Variants in GBE1 observed in about 807,000 individuals in gnomAD.
GBE1 encodes 1,4-alpha-glucan branching enzyme 1, also known as 1,4-alpha-glucan-branching enzyme.
In GBE1, 70 loss-of-function variants were observed where a neutral mutation model predicts 88.8. That is an observed-to-expected ratio of 0.79 (90% CI 0.65 to 0.96). The LOEUF (loss-of-function observed/expected upper bound fraction) is 0.96. Among genes scored for constraint, GBE1 ranks in the 40% least tolerant of loss-of-function variants. The probability of loss-of-function intolerance (pLI) is 0.00; values close to 1 mark genes in which losing one functional copy is unlikely to be tolerated. For missense variants in GBE1, 872 were observed against 871.0 expected (o/e 1.00, Z -0.01); for synonymous variants, 284 against 300.1 (o/e 0.95, Z 0.56).
intron 7 of GBE1, among the ~76,000 whole-genome samples, chr3:81,603,017 C>A (rs541071756): frequency 2.6e-4 from 39 of 152,194 alleles, no homozygotes; most frequent in African/African-American, 9.4e-4. Flanking sequence ...GCATTCCTTT[C>A]CTCCTTACTC....
chr3:81,684,302 G>A (rs1361490218), intron 2 of GBE1, among the ~76,000 whole-genome samples: 2 of 152,188 alleles, frequency 1.3e-5, no homozygotes, highest in East Asian at 1.9e-4. Flanking sequence ...TAGAAATGTG[G>A]ATAATACCTG....
chr3:81,500,824 A>G (rs1036656204), intron 14 of GBE1, among the ~76,000 whole-genome samples: 1 of 152,198 alleles, frequency 6.6e-6, no homozygotes, highest in Non-Finnish European at 1.5e-5. Flanking sequence ...TTTTACTATT[A>G]AAATGCAGAT....
intron 2 of GBE1, among the ~76,000 whole-genome samples, chr3:81,674,549 T>C (rs1705228691): frequency 6.6e-6 from 1 of 151,952 alleles, no homozygotes. Flanking sequence ...AAATTGATTT[T>C]AAGTAAAATT....
chr3:81,636,131 C>T (rs1704588774), intron 7 of GBE1, among the ~76,000 whole-genome samples: 2 of 152,172 alleles, frequency 1.3e-5, no homozygotes, highest in African/African-American at 4.8e-5. Context: ...TATATTTCTA[C>T]CATTCAAACT....
intron 7 of GBE1, among the ~76,000 whole-genome samples, chr3:81,632,712 CA>C (rs1704532347): frequency 6.6e-6 from 1 of 152,022 alleles, no homozygotes; most frequent in Non-Finnish European, 1.5e-5. Flanking sequence ...GGTATATACC[CA>C]AAGGATTATA....
At chr3:81,580,723 G>C (rs907675432) in intron 11 of GBE1, among the ~76,000 whole-genome samples, 1 of 152,068 alleles carries the variant, frequency 6.6e-6, no homozygotes, top group Admixed American at 6.6e-5. Context: ...AGGGGTCAGG[G>C]AGGTCAATTA....
intron 7 of GBE1, among the ~76,000 whole-genome samples, chr3:81,634,286 A>G (rs1168782782): frequency 6.6e-6 from 1 of 152,266 alleles, no homozygotes; most frequent in Non-Finnish European, 1.5e-5. Flanking sequence ...CCTATGGCAC[A>G]TAAATAATAT....
At chr3:81,557,222 C>A (rs995713942) in intron 12 of GBE1, among the ~76,000 whole-genome samples, 1 of 151,974 alleles carries the variant, frequency 6.6e-6, no homozygotes, top group African/African-American at 2.4e-5. Flanking sequence ...CGACCTTGCA[C>A]GTTGTTTGTA....
At chr3:81,745,674 A>G (rs941934674) in intron 1 of GBE1, among the ~76,000 whole-genome samples, 15 of 152,138 alleles carry the variant, frequency 9.9e-5, no homozygotes, top group Non-Finnish European at 2.1e-4. Context: ...CTTAGCACAA[A>G]TGACAGGTAA....
At chr3:81,501,599 C>A (rs1702586478) in intron 14 of GBE1, among the ~76,000 whole-genome samples, 1 of 151,096 alleles carries the variant, frequency 6.6e-6, no homozygotes, top group South Asian at 2.1e-4. Context: ...ATTTTAGTCA[C>A]CTGAATTACA....
intron 14 of GBE1, among the ~76,000 whole-genome samples, chr3:81,506,295 T>C (rs1249802813): frequency 6.6e-6 from 1 of 151,852 alleles, no homozygotes; most frequent in African/African-American, 2.4e-5. Flanking sequence ...CAGCCAACAA[T>C]CATACGAAAT....
intron 2 of GBE1, among the ~76,000 whole-genome samples, chr3:81,681,091 T>G (rs1337033785): frequency 2.6e-5 from 4 of 152,196 alleles, no homozygotes; most frequent in South Asian, 2.1e-4. Flanking sequence ...AACTAATGAT[T>G]ACAGCTGGAA....
chr3:81,525,278 A>G (rs1451102460), intron 14 of GBE1, among the ~76,000 whole-genome samples: 1 of 152,116 alleles, frequency 6.6e-6, no homozygotes, highest in South Asian at 2.1e-4. Flanking sequence ...TTCTTCATCT[A>G]TTGAGATAAT....
chr3:81,557,439 G>A (rs922422188), intron 12 of GBE1, among the ~76,000 whole-genome samples: 15 of 151,350 alleles, frequency 9.9e-5, no homozygotes, highest in Non-Finnish European at 2.1e-4. Flanking sequence ...TTAATTACCA[G>A]AATAATGAGG....
At chr3:81,588,877 C>A (rs369460433) in intron 9 of GBE1, among the ~76,000 whole-genome samples, 15 of 152,218 alleles carry the variant, frequency 9.9e-5, no homozygotes, top group African/African-American at 3.6e-4. Flanking sequence ...GTGCAGCAAG[C>A]AGCAGGACCT....
At chr3:81,541,452 C>CG (rs1304954964) in intron 12 of GBE1, among the ~76,000 whole-genome samples, 4 of 150,390 alleles carry the variant, frequency 2.7e-5, no homozygotes, top group African/African-American at 9.8e-5. Context: ...TGCAAGTTGC[C>CG]CCCCCCGCCA....
At chr3:81,698,062 A>ATG (rs907802787) in intron 2 of GBE1, among the ~76,000 whole-genome samples, 58 of 145,824 alleles carry the variant, frequency 4.0e-4, no homozygotes, top group African/African-American at 7.6e-4. Flanking sequence ...ATATATATAT[A>ATG]TGTGTATATA....
At chr3:81,531,202 T>C (rs1268423871) in intron 14 of GBE1, among the ~76,000 whole-genome samples, 4 of 151,934 alleles carry the variant, frequency 2.6e-5, no homozygotes, top group African/African-American at 9.7e-5. Flanking sequence ...GTGCCAGAAC[T>C]AGGTCTCTCC....
rs1703059086 is a variant in GBE1 at position 81,535,230 on chromosome 3, G to A, written c.1899C>T (p.Tyr633=). ...FIFNFHPSKS[Y]TDYRVGTALP... is the part of the protein sequence containing the mutation. Reference sequence around the variant, plus strand: ...ATGCTGTTCCAACTCGGTAGTCAGTGTAGCTCTTGCTTGGATGGAAGTTGA... The same window carrying A: ...ATGCTGTTCCAACTCGGTAGTCAGTATAGCTCTTGCTTGGATGGAAGTTGA... The change falls in exon 14 of 16, where the codon TAC becomes TAT. Residue 633 remains tyrosine (Y), a synonymous_variant. Transcript: ENST00000429644. 1 of 1,611,136 alleles carries A rather than the reference G, an allele frequency of 6.2e-7. No individual in the cohort carries two copies.
Sources: gnomAD v4.1 joint callset for allele counts (sites outside exome capture counted in the v4.1 genomes callset) on GRCh38, gnomAD v4.1.1 for gene constraint, MANE v1.5 for transcripts, NCBI Gene and HGNC (gene_info 2026-07-23, HGNC 2026-07-21) for gene names.